Variants in CORO1C observed in about 807,000 individuals in gnomAD.
CORO1C encodes the protein coronin-1C.
A neutral mutation model predicts 51.2 loss-of-function variants in CORO1C; 14 were observed. That is an observed-to-expected ratio of 0.27 (90% CI 0.18 to 0.43). The LOEUF is 0.43. CORO1C is among the 20% of genes least tolerant of loss of function. CORO1C has a pLI of 1.00. For synonymous variants in CORO1C, 181 were observed against 210.5 expected (o/e 0.86, Z 1.21); for missense variants, 417 against 607.8 (o/e 0.69, Z 3.30).
intron 2 of CORO1C, among the ~76,000 whole-genome samples, chr12:108,696,813 G>A (rs528070549): frequency 2.4e-4 from 36 of 152,328 alleles, no homozygotes; most frequent in African/African-American, 6.3e-4. Context: ...TGGGAATCAC[G>A]TGTGCTAATC....
intron 8 of CORO1C, among the ~76,000 whole-genome samples, chr12:108,651,652 A>G (rs987370614): frequency 3.9e-5 from 6 of 152,180 alleles, no homozygotes; most frequent in African/African-American, 1.4e-4. Flanking sequence ...AACGCTGACC[A>G]TGGCCTCAGC....
intron 2 of CORO1C, among the ~76,000 whole-genome samples, chr12:108,686,468 C>T (rs1313796390): frequency 1.3e-5 from 2 of 152,246 alleles, no homozygotes; most frequent in African/African-American, 4.8e-5. Context: ...ACTAACAGAT[C>T]AGTCCACTAT....
intron 1 of CORO1C, among the ~76,000 whole-genome samples, chr12:108,726,336 G>A (rs1035153243): frequency 1.1e-4 from 16 of 150,918 alleles, no homozygotes; most frequent in Non-Finnish European, 1.6e-4. Flanking sequence ...GGAGAACGGC[G>A]TGAACCTGGG....
At chr12:108,679,674 G>T (rs1033458244) in intron 2 of CORO1C, among the ~76,000 whole-genome samples, 4 of 152,160 alleles carry the variant, frequency 2.6e-5, no homozygotes, top group African/African-American at 4.8e-5. Flanking sequence ...AAATTTCTAT[G>T]ATTTCTCCAA....
chr12:108,714,844 T>C (rs998579056), intron 1 of CORO1C, among the ~76,000 whole-genome samples: 1 of 152,172 alleles, frequency 6.6e-6, no homozygotes, highest in African/African-American at 2.4e-5. Context: ...ACTCGTATAT[T>C]TACATTTTAT....
At chr12:108,692,541 GT>G (rs1160888329) in intron 2 of CORO1C, among the ~76,000 whole-genome samples, 1 of 152,188 alleles carries the variant, frequency 6.6e-6, no homozygotes, top group Non-Finnish European at 1.5e-5. Context: ...TCCCTCTCAA[GT>G]AGCCCATGAA....
intron 2 of CORO1C, among the ~76,000 whole-genome samples, chr12:108,693,117 C>T (rs957036919): frequency 6.6e-6 from 1 of 151,822 alleles, no homozygotes; most frequent in African/African-American, 2.4e-5. Context: ...ATTCTATATC[C>T]TCCCCCCTAA....
At chr12:108,653,149 CA>C (rs1327349653) in intron 7 of CORO1C, 1 of 152,174 alleles carries the variant, frequency 6.6e-6, no homozygotes, top group Non-Finnish European at 1.5e-5. Context: ...TCCCAGTTCT[CA>C]TGATTTCCAT....
At chr12:108,706,192 AAAAC>A (rs1379852630) in intron 1 of CORO1C, among the ~76,000 whole-genome samples, 1 of 151,514 alleles carries the variant, frequency 6.6e-6, no homozygotes, top group Non-Finnish European at 1.5e-5. Flanking sequence ...GAATCAAAAA[AAAAC>A]AAAAAAAACA....
chr12:108,684,178 T>C (rs1464070529), intron 2 of CORO1C, among the ~76,000 whole-genome samples: 3 of 152,088 alleles, frequency 2.0e-5, no homozygotes, highest in Admixed American at 6.5e-5. Context: ...GAAGACGCAA[T>C]AGATGTGTGA....
At position 108,647,264 on chromosome 12, in the gene CORO1C, C is replaced by T. The variant is rs537616444; in HGVS notation, c.*139G>A. ...GAGTTCTTACTGGAATGTGGCCTAT[C>T]GCTGGTTGACAAATCTGAAATGGAA... is the stretch of plus-strand genomic sequence containing the variant. On this transcript the variant is annotated 3_prime_UTR_variant, in exon 11 of 11. Transcript: ENST00000261401. 44 of 717,982 alleles carry T rather than the reference C, an allele frequency of 6.1e-5. No individual in the cohort carries two copies. The highest frequency in any genetic ancestry group is 1.6e-4 in the African/African-American group (9 of 54,890). The allele number at this position is 717,982 out of a possible 1,614,324, so 44.5% of individuals were successfully genotyped here. A position where few individuals can be genotyped will look rare whatever the true frequency, so the allele number is the denominator to read the frequency against.
rs61278729 is a variant in CORO1C at position 108,716,127 on chromosome 12, C to CAAAA, written c.-5-14808_-5-14805dup. ...TTGGCAATAGAACGAGACTCTGTCG[C>CAAAA]AAAAAAAAAAAAAAAAAAAAAAAAA... On this transcript the variant is annotated intron_variant, in intron 1 of 10. Transcript: ENST00000261401. Among the ~76,000 whole-genome samples, 245 of 41,106 alleles carry CAAAA rather than the reference C, an allele frequency of 6.0e-3. 6 individuals carry two copies. The highest frequency in any genetic ancestry group is 0.029 in the Middle Eastern group (1 of 34). The allele number at this position is 41,106 out of a possible 152,430, so 27.0% of individuals were successfully genotyped here.
chr12:108,709,810 C>T (rs2035129079), intron 1 of CORO1C, among the ~76,000 whole-genome samples: 1 of 152,180 alleles, frequency 6.6e-6, no homozygotes, highest in African/African-American at 2.4e-5. Context: ...TTTAAATGTC[C>T]TGTCAGAGAG....
intron 1 of CORO1C, among the ~76,000 whole-genome samples, chr12:108,715,999 C>T (rs1428273708): frequency 3.3e-5 from 5 of 151,644 alleles, no homozygotes; most frequent in African/African-American, 7.3e-5. Context: ...GGCGTGGTGG[C>T]ACGCGCCTGT....
chr12:108,716,818 T>TTACGTATTACA (rs2136882803), intron 1 of CORO1C, among the ~76,000 whole-genome samples: 1 of 152,304 alleles, frequency 6.6e-6, no homozygotes, highest in South Asian at 2.1e-4. Flanking sequence ...ATCCACAGGG[T>TTACGTATTACA]TATACGTATT....
chr12:108,656,548 T>C (rs1044715366), intron 6 of CORO1C, among the ~76,000 whole-genome samples: 1 of 152,046 alleles, frequency 6.6e-6, no homozygotes, highest in Non-Finnish European at 1.5e-5. Context: ...GTCTGGGAGG[T>C]GTACCCAACA....
chr12:108,716,853 T>G (rs2035349368), intron 1 of CORO1C, among the ~76,000 whole-genome samples: 1 of 152,230 alleles, frequency 6.6e-6, no homozygotes, highest in African/African-American at 2.4e-5. Flanking sequence ...CTATGAATGT[T>G]GAATAGGTCC....
chr12:108,717,160 T>G (rs1344583259), intron 1 of CORO1C, among the ~76,000 whole-genome samples: 1 of 152,186 alleles, frequency 6.6e-6, no homozygotes, highest in African/African-American at 2.4e-5. Flanking sequence ...AGAAGTCAAC[T>G]GGGCAATAAG....
chr12:108,701,446 A>G, intron 1 of CORO1C, 123 bp from the exon 2 acceptor site: 1 of 1,468,490 alleles, frequency 6.8e-7, no homozygotes, highest in Non-Finnish European at 9.1e-7. Flanking sequence ...CTCTCCTAAA[A>G]AGTAGCCAAA....
Sources: gnomAD v4.1 joint callset for allele counts (sites outside exome capture counted in the v4.1 genomes callset) on GRCh38, gnomAD v4.1.1 for gene constraint, MANE v1.5 for transcripts, NCBI Gene and HGNC (gene_info 2026-07-23, HGNC 2026-07-21) for gene names.